The following NAP1L1 variants were observed in gnomAD, a reference collection of about 807,000 sequenced individuals.
The protein encoded by NAP1L1 is nucleosome assembly protein 1 like 1.
NAP1L1 carries 9 observed loss-of-function variants against 58.9 expected under a neutral mutation model. The ratio of observed to expected loss-of-function variants is 0.15; its 90% confidence interval spans 0.09 to 0.27. NAP1L1 has a LOEUF of 0.27. Among genes scored for constraint, NAP1L1 ranks in the 10% least tolerant of loss-of-function variants. NAP1L1 has a pLI of 1.00. For synonymous variants in NAP1L1, 130 were observed against 138.3 expected (o/e 0.94, Z 0.42); for missense variants, 302 against 458.8 (o/e 0.66, Z 3.12).
In NAP1L1 at chr12:76,068,832, T is replaced by A. The variant is rs10880034; in HGVS notation, c.103+77A>T. The A allele has an allele frequency of 3.8e-6, 4 of 1,041,656 alleles. No homozygotes were observed. In the Admixed American group the frequency reaches 5.8e-5, roughly 15 times the overall value. 64.5% of individuals were successfully genotyped at this position (1,041,656 alleles called of 1,614,324 possible). On this transcript the variant is annotated intron_variant, in intron 3 of 14. Coordinates refer to ENST00000618691, the MANE Select transcript of NAP1L1 (RefSeq NM_004537.7). ...GACAATGAGCAAGGGTCCAAAAAAA[T>A]AGACTGGTACTTATAACTACCCTCT...
intron 2 of NAP1L1, among the ~76,000 whole-genome samples, chr12:76,069,648 A>G (rs1019133177): frequency 2.0e-5 from 3 of 152,226 alleles, no homozygotes; most frequent in African/African-American, 7.2e-5. Flanking sequence ...CTGTGGAGCA[A>G]CAATACTAGC....
At position 76,055,094 on chromosome 12, in the gene NAP1L1, C is replaced by A. The variant is rs983121196; in HGVS notation, c.559-4G>T. ...TCAGAATAGGTTCATCGTGTTCCTT[C>A]AAATTAAAAAAATAATAAAAATGAA... On this transcript the variant is annotated splice_region_variant and splice_polypyrimidine_tract_variant and intron_variant, in intron 7 of 14. Transcript: ENST00000618691. 2.5e-6 allele frequency: 4 copies of A among 1,580,032 alleles called. No individual in the cohort carries two copies. The highest frequency in any genetic ancestry group is 3.4e-6 in the Non-Finnish European group (4 of 1,163,956).
At chr12:76,076,024 A>G (rs1255030318) in intron 1 of NAP1L1, among the ~76,000 whole-genome samples, 1 of 152,164 alleles carries the variant, frequency 6.6e-6, no homozygotes, top group African/African-American at 2.4e-5. Context: ...TAAAAAAACA[A>G]AATATGTCCA....
In NAP1L1 at chr12:76,049,773, C is replaced by T. The variant is rs770875476; in HGVS notation, c.1072G>A (p.Gly358Ser). ...EDDDDDYDEE[G>S]EEADEEGEEE... ...AACATTACCTCATCCGCTTCTTCAC[C>T]TTCTTCATCATACTGAAAAGGAAAA... Residue 358 changes from glycine to serine, a missense_variant, in exon 13 of 15, where the codon GGT becomes AGT. Transcript: ENST00000618691. 2 of 1,612,908 alleles carry T rather than the reference C, an allele frequency of 1.2e-6. No individual in the cohort carries two copies. The highest frequency in any genetic ancestry group is 1.7e-4 in the Middle Eastern group (1 of 6,046).
At position 76,047,808 on chromosome 12, in the gene NAP1L1, C is replaced by T. The variant is rs1948649259; in HGVS notation, c.*621G>A. On this transcript the variant is annotated 3_prime_UTR_variant, in exon 15 of 15. Coordinates refer to ENST00000618691, the MANE Select transcript of NAP1L1 (RefSeq NM_004537.7). ...TAACTTCTGAAAATCCCGTTTTATTCACCTCACTGTGGTACCAGTAACTAT... is the reference window on the plus strand; with the variant it reads ...TAACTTCTGAAAATCCCGTTTTATTTACCTCACTGTGGTACCAGTAACTAT... The T allele has an allele frequency of 6.6e-6, 1 of 152,092 alleles. No individual in the cohort carries two copies. Among genetic ancestry groups the T allele is most frequent in the East Asian group, 1.9e-4 (1 of 5,186 alleles). The allele number at this position is 152,092 out of a possible 1,614,324, so 9.4% of individuals were successfully genotyped here.
rs574525241 is a variant in NAP1L1, at chr12:76,040,863, A to C, written c.*7566T>G. Reference sequence around the variant, plus strand: ...CAGGCATGAGCCACCACACCTGGCCATAATATATTTCCGATTGCTTAACAT... The same window carrying C: ...CAGGCATGAGCCACCACACCTGGCCCTAATATATTTCCGATTGCTTAACAT... On this transcript the variant is annotated 3_prime_UTR_variant, in exon 15 of 15. Transcript: ENST00000618691. 1 of 152,250 alleles carries C rather than the reference A, an allele frequency of 6.6e-6. No individual in the cohort carries two copies. The highest frequency in any genetic ancestry group is 1.5e-5 in the Non-Finnish European group (1 of 68,068). 9.4% of individuals were successfully genotyped at this position (152,250 alleles called of 1,614,324 possible).
At chr12:76,051,555 C>G (rs1462676874) in intron 11 of NAP1L1, among the ~76,000 whole-genome samples, 1 of 152,114 alleles carries the variant, frequency 6.6e-6, no homozygotes, top group East Asian at 1.9e-4. Context: ...TAGCACTTTT[C>G]TTTTTTAGAG....
intron 12 of NAP1L1, among the ~76,000 whole-genome samples, chr12:76,050,247 T>A (rs1948756609): frequency 6.6e-6 from 1 of 152,006 alleles, no homozygotes; most frequent in Admixed American, 6.6e-5. Context: ...CTCTGTGAAG[T>A]CAAGGCAAGG....
chr12:76,076,618 T>A lies in NAP1L1; in HGVS notation c.-20-2379A>T, dbSNP rs550454707. ...TCTCCACTCATATACGCACATACTT[T>A]AATACAAATAAACCCTTTCTGAAAA... On this transcript the variant is annotated intron_variant, in intron 1 of 14. Transcript: ENST00000618691. Among the ~76,000 whole-genome samples, 3 of 142,990 alleles carry A rather than the reference T, an allele frequency of 2.1e-5. No homozygotes were observed. In the East Asian group the frequency reaches 5.9e-4, roughly 28 times the overall value. 93.8% of individuals were successfully genotyped at this position (142,990 alleles called of 152,430 possible).
chr12:76,083,229 C>G (rs1397753382), intron 1 of NAP1L1, among the ~76,000 whole-genome samples: 1 of 152,112 alleles, frequency 6.6e-6, no homozygotes, highest in Non-Finnish European at 1.5e-5. Context: ...TATACTAACA[C>G]CTCATTCCAT....
chr12:76,067,510 T>G, intron 3 of NAP1L1, 37 bp from the exon 4 acceptor site: 1 of 1,509,310 alleles, frequency 6.6e-7, no homozygotes, highest in Admixed American at 1.8e-5. Context: ...AAGGATTTTA[T>G]GAAAATGTAT....
chr12:76,080,230 T>C (rs902419903), intron 1 of NAP1L1, among the ~76,000 whole-genome samples: 1 of 152,226 alleles, frequency 6.6e-6, no homozygotes, highest in Non-Finnish European at 1.5e-5. Context: ...AATTCATTAT[T>C]CATGTTTGTG....
intron 6 of NAP1L1, among the ~76,000 whole-genome samples, chr12:76,058,533 C>A (rs577161305): frequency 2.0e-5 from 3 of 151,864 alleles, no homozygotes; most frequent in African/African-American, 7.2e-5. Context: ...ATTAGAGGCA[C>A]CCGCCTCCAC....
intron 1 of NAP1L1, among the ~76,000 whole-genome samples, chr12:76,078,666 G>T (rs1333807439): frequency 6.6e-6 from 1 of 152,100 alleles, no homozygotes; most frequent in Non-Finnish European, 1.5e-5. Context: ...TAAAACTAAT[G>T]AATCAAACTA....
intron 1 of NAP1L1, among the ~76,000 whole-genome samples, chr12:76,078,533 T>C (rs1950283340): frequency 6.6e-6 from 1 of 152,126 alleles, no homozygotes; most frequent in Admixed American, 6.5e-5. Context: ...TATAAACAAA[T>C]ACATACCTAC....
At chr12:76,079,856 T>C (rs939690451) in intron 1 of NAP1L1, among the ~76,000 whole-genome samples, 2 of 152,218 alleles carry the variant, frequency 1.3e-5, no homozygotes, top group South Asian at 2.1e-4. Flanking sequence ...CTCAGCTATA[T>C]TGTTTTAATT....
chr12:76,075,065 T>C (rs1263962765), intron 1 of NAP1L1, among the ~76,000 whole-genome samples: 1 of 152,176 alleles, frequency 6.6e-6, no homozygotes, highest in African/African-American at 2.4e-5. Flanking sequence ...TTAAAGCAGA[T>C]GTGTTATATC....
intron 8 of NAP1L1, among the ~76,000 whole-genome samples, chr12:76,054,452 C>T: frequency 6.6e-6 from 1 of 152,150 alleles, no homozygotes; most frequent in East Asian, 1.9e-4. Flanking sequence ...TTTCAATTTA[C>T]ATCTATTAAA....
intron 2 of NAP1L1, among the ~76,000 whole-genome samples, chr12:76,071,862 A>G (rs547895983): frequency 1.3e-5 from 2 of 151,998 alleles, no homozygotes; most frequent in Non-Finnish European, 2.9e-5. Context: ...CTATGTACAC[A>G]TTAGAATGCT....
Sources: gnomAD v4.1 joint callset for allele counts (sites outside exome capture counted in the v4.1 genomes callset) on GRCh38, gnomAD v4.1.1 for gene constraint, MANE v1.5 for transcripts, NCBI Gene and HGNC (gene_info 2026-07-23, HGNC 2026-07-21) for gene names.